VEPH1: variants seen among roughly 807,000 people sequenced by gnomAD.
VEPH1 encodes the protein ventricular zone expressed PH domain containing 1.
In VEPH1, 80 loss-of-function variants were observed where a neutral mutation model predicts 85.2. The ratio of observed to expected loss-of-function variants is 0.94; its 90% CI spans 0.78 to 1.13. VEPH1 has a LOEUF of 1.13. Ranked by LOEUF, VEPH1 falls within the 50% of genes most tolerant of loss-of-function variation. VEPH1 has a pLI of 0.00. For synonymous variants in VEPH1, 297 were observed against 348.0 expected (o/e 0.85, Z 1.63); for missense variants, 955 against 980.5 (o/e 0.97, Z 0.35).
intron 12 of VEPH1, among the ~76,000 whole-genome samples, chr3:157,282,559 G>A (rs894759123): frequency 7.9e-5 from 12 of 152,266 alleles, no homozygotes; most frequent in Admixed American, 5.9e-4. Context: ...TAGATTTATC[G>A]AGGAGGACAG....
intron 9 of VEPH1, among the ~76,000 whole-genome samples, chr3:157,327,417 A>G (rs1340493312): frequency 6.6e-6 from 1 of 152,186 alleles, no homozygotes; most frequent in Non-Finnish European, 1.5e-5. Flanking sequence ...GTTGCTCTTG[A>G]TCAGCTCTAG....
chr3:157,340,161 G>C (rs1723381573), intron 9 of VEPH1, among the ~76,000 whole-genome samples: 1 of 152,188 alleles, frequency 6.6e-6, no homozygotes, highest in Admixed American at 6.5e-5. Context: ...ACTGGGGCTT[G>C]TCAGACAGTG....
intron 11 of VEPH1, among the ~76,000 whole-genome samples, chr3:157,309,734 T>C (rs1210851244): frequency 2.0e-5 from 3 of 152,002 alleles, no homozygotes; most frequent in Admixed American, 1.3e-4. Flanking sequence ...GATTGATATA[T>C]AGTTTGCAAA....
Position 157,259,977 on chromosome 3 carries a change from G to T in VEPH1, c.*1157C>A, listed in dbSNP as rs998339492. On this transcript the variant is annotated 3_prime_UTR_variant, in exon 14 of 14. Coordinates refer to ENST00000362010, the MANE Select transcript of VEPH1 (RefSeq NM_001167912.2). ...GCAGCTTGCTTATTTAAGGCTAATAGGAGAGAGAGTCTCTGACTGGTTCAC... is the reference window on the plus strand; with the variant it reads ...GCAGCTTGCTTATTTAAGGCTAATATGAGAGAGAGTCTCTGACTGGTTCAC... 3.9e-5 allele frequency: 6 copies of T among 152,158 alleles called. No homozygotes were observed. Among genetic ancestry groups the T allele is most frequent in the African/African-American group, 1.4e-4 (6 of 41,426 alleles). The allele number at this position is 152,158 out of a possible 1,614,324, so 9.4% of individuals were successfully genotyped here.
chr3:157,379,160 C>T (rs1243731756), intron 7 of VEPH1, among the ~76,000 whole-genome samples: 7 of 152,216 alleles, frequency 4.6e-5, no homozygotes, highest in Non-Finnish European at 7.3e-5. Flanking sequence ...ACAGAACAAA[C>T]CCTTGCTTCT....
intron 1 of VEPH1, among the ~76,000 whole-genome samples, chr3:157,500,036 A>G (rs190868346): frequency 3.3e-5 from 5 of 152,304 alleles, no homozygotes; most frequent in Admixed American, 3.3e-4. Flanking sequence ...AATAAACAGA[A>G]CAAACTTCAC....
At chr3:157,378,355 T>G (rs528492948) in intron 7 of VEPH1, among the ~76,000 whole-genome samples, 6 of 94,898 alleles carry the variant, frequency 6.3e-5, no homozygotes, top group African/African-American at 2.0e-4. Flanking sequence ...TATATATATA[T>G]ATAGTAGTGA....
chr3:157,297,267 C>A (rs759344030), intron 11 of VEPH1, among the ~76,000 whole-genome samples: 1 of 152,148 alleles, frequency 6.6e-6, no homozygotes, highest in African/African-American at 2.4e-5. Context: ...GCCTGAGAAA[C>A]ATATTTAGTT....
intron 4 of VEPH1, chr3:157,459,897 A>G: frequency 6.5e-7 from 1 of 1,537,210 alleles, no homozygotes; most frequent in Non-Finnish European, 8.7e-7. Flanking sequence ...TGAACAGGTG[A>G]CCAGAAGCAC....
intron 13 of VEPH1, among the ~76,000 whole-genome samples, chr3:157,264,589 T>C (rs1019273386): frequency 1.3e-5 from 2 of 152,224 alleles, no homozygotes; most frequent in Admixed American, 6.5e-5. Context: ...TGCCTGATCT[T>C]GACCCCAGTT....
chr3:157,414,030 T>G lies in VEPH1; in HGVS notation c.757A>C (p.Ile253Leu). ...GHLKDSTHND[I>L]ILNILIEIAV... ...ATCTCTATGAGGATGTTTAGGATGA[T>G]GTCATTATGGGTTGAATCCTTCAAA... Residue 253 changes from isoleucine (I) to leucine (L), a missense_variant, in exon 6 of 14, where the codon ATC becomes CTC. Coordinates refer to ENST00000362010, the MANE Select transcript of VEPH1 (RefSeq NM_001167912.2). The G allele has an allele frequency of 1.9e-6, 3 of 1,613,494 alleles. No homozygotes were observed. The highest frequency in any genetic ancestry group is 8.5e-7 in the Non-Finnish European group (1 of 1,179,688).
At chr3:157,287,797 T>C (rs773605370) in intron 11 of VEPH1, among the ~76,000 whole-genome samples, 1 of 152,184 alleles carries the variant, frequency 6.6e-6, no homozygotes, top group Non-Finnish European at 1.5e-5. Flanking sequence ...ACTCCTGATC[T>C]CAAGTGATCC....
intron 5 of VEPH1, among the ~76,000 whole-genome samples, chr3:157,423,266 T>C (rs1200948811): frequency 1.3e-5 from 2 of 152,228 alleles, no homozygotes; most frequent in East Asian, 1.9e-4. Flanking sequence ...TATTGCTCTA[T>C]GTGCAAAAGG....
chr3:157,493,198 C>A (rs1392861433), intron 2 of VEPH1: 2 of 453,412 alleles, frequency 4.4e-6, no homozygotes, highest in Non-Finnish European at 8.9e-6. Context: ...ATATTCGCAT[C>A]ATTGCAAGTG....
At chr3:157,488,568 C>G (rs954969032) in intron 2 of VEPH1, among the ~76,000 whole-genome samples, 1 of 148,520 alleles carries the variant, frequency 6.7e-6, no homozygotes, top group Non-Finnish European at 1.5e-5. Flanking sequence ...TTCATCATCT[C>G]CTTAACTTCT....
intron 9 of VEPH1, among the ~76,000 whole-genome samples, chr3:157,360,441 T>C (rs969439799): frequency 6.6e-6 from 1 of 151,442 alleles, no homozygotes; most frequent in East Asian, 1.9e-4. Flanking sequence ...GAAAGTATTC[T>C]TTTTTTTTAA....
intron 2 of VEPH1, among the ~76,000 whole-genome samples, chr3:157,476,097 G>T (rs2109528147): frequency 6.6e-6 from 1 of 152,328 alleles, no homozygotes; most frequent in African/African-American, 2.4e-5. Flanking sequence ...ACTCCAGTGT[G>T]ATCCAGTCAG....
At chr3:157,345,933 A>G (rs1724167868) in intron 9 of VEPH1, among the ~76,000 whole-genome samples, 1 of 152,282 alleles carries the variant, frequency 6.6e-6, no homozygotes, top group East Asian at 1.9e-4. Context: ...CCAAGGACAA[A>G]AAACCAAACA....
At position 157,261,276 on chromosome 3, in the gene VEPH1, G is replaced by C. The variant is rs779993474; in HGVS notation, c.2360C>G (p.Ala787Gly). Reference protein sequence around the residue: ...KKRRDRSLPRAFEIFTDNKTY... With the variant: ...KKRRDRSLPRGFEIFTDNKTY... ...TTTATTGTCTGTGAAGATTTCGAAA[G>C]CCCGGGGGAGAGAGCGGTCCCTGCG... is the stretch of plus-strand genomic sequence containing the variant. Residue 787 changes from alanine to glycine, a missense_variant, in exon 14 of 14, where the codon GCT (alanine) becomes GGT (glycine). Ala to Gly is a moderately conservative substitution (Grantham distance 60). Transcript: ENST00000362010. 1.2e-6 allele frequency: 2 copies of C among 1,613,736 alleles called. No homozygotes were observed. Among genetic ancestry groups the C allele is most frequent in the Non-Finnish European group, 1.7e-6 (2 of 1,179,792 alleles).
Sources: gnomAD v4.1 joint callset for allele counts (sites outside exome capture counted in the v4.1 genomes callset) on GRCh38, gnomAD v4.1.1 for gene constraint, MANE v1.5 for transcripts, NCBI Gene and HGNC (gene_info 2026-07-23, HGNC 2026-07-21) for gene names.